ADGRV1: variants seen among roughly 807,000 people sequenced by gnomAD.
ADGRV1 encodes the protein G-protein coupled receptor 98.
A neutral mutation model predicts 596.2 loss-of-function variants in ADGRV1; 359 were observed. That is an observed-to-expected ratio of 0.60 (90% CI 0.55 to 0.66). ADGRV1 has a LOEUF of 0.66. Ranked by LOEUF, ADGRV1 falls within the 30% of genes least tolerant of loss-of-function variation. ADGRV1 has a pLI of 0.00. For missense variants in ADGRV1, 7,274 were observed against 7,575.6 expected, an observed-to-expected ratio of 0.96 and a Z score of 1.48; for synonymous variants, 2,681 against 2,679.2, an observed-to-expected ratio of 1.00 and a Z score of -0.02.
Position 90,647,632 on chromosome 5 carries a change from A to T in ADGRV1, c.3157A>T (p.Ile1053Phe). The T allele has an allele frequency of 6.2e-7, 1 of 1,614,004 alleles. No homozygotes were observed. Among genetic ancestry groups the T allele is most frequent in the Admixed American group, 1.7e-5 (1 of 60,028 alleles). Reference protein sequence around the residue: ...GKATARERDFIPVEKGETLIF... With the variant: ...GKATARERDFFPVEKGETLIF... ...GGCTACTGCAAGAGAGAGAGATTTC[A>T]TTCCTGTTGAAAAAGGAGAAACGCT... Residue 1053 changes from isoleucine (I) to phenylalanine (F), a missense_variant, in exon 17 of 90, where the codon ATT (isoleucine) becomes TTT (phenylalanine). By Grantham distance (21) the Ile-to-Phe change is conservative. Coordinates refer to ENST00000405460, the MANE Select transcript of ADGRV1 (RefSeq NM_032119.4).
At chr5:91,161,328 C>A (rs1240586536) in intron 89 of ADGRV1, among the ~76,000 whole-genome samples, 1 of 152,114 alleles carries the variant, frequency 6.6e-6, no homozygotes, top group East Asian at 1.9e-4. Flanking sequence ...CAAATGTTAC[C>A]TTCGGGGGCC....
At position 90,776,307 on chromosome 5, in the gene ADGRV1, A is replaced by T. The variant is rs148397539; in HGVS notation, c.12404-146A>T. The T allele has an allele frequency of 6.9e-4, 540 of 781,626 alleles. 7 individuals carry two copies. The African/African-American group carries it at 8.4e-3, about 12-fold the overall frequency. The allele number at this position is 781,626 out of a possible 1,614,324, so 48.4% of individuals were successfully genotyped here. On this transcript the variant is annotated intron_variant, in intron 60 of 89. Transcript: ENST00000405460. Reference sequence around the variant, plus strand: ...CTCAATGTGCTTCAGAGTCATAGGTAAAATGAGGATATTAATACCTTACTG... The same window carrying T: ...CTCAATGTGCTTCAGAGTCATAGGTTAAATGAGGATATTAATACCTTACTG...
At chr5:91,039,214 C>T (rs1430416583) in intron 85 of ADGRV1, among the ~76,000 whole-genome samples, 3 of 152,160 alleles carry the variant, frequency 2.0e-5, no homozygotes, top group Non-Finnish European at 2.9e-5. Context: ...TAAGTAAAAA[C>T]TTTCAGATCA....
intron 85 of ADGRV1, among the ~76,000 whole-genome samples, chr5:91,035,390 T>G (rs1392344569): frequency 6.6e-6 from 1 of 152,144 alleles, no homozygotes; most frequent in East Asian, 1.9e-4. Context: ...AAGAATTCTG[T>G]TTATAAGATT....
At chr5:90,908,078 C>G (rs769075616) in intron 83 of ADGRV1, among the ~76,000 whole-genome samples, 1 of 151,982 alleles carries the variant, frequency 6.6e-6, no homozygotes, top group Admixed American at 6.6e-5. Context: ...CTCGAACTCC[C>G]GACCTCAGGT....
At chr5:90,756,053 A>G (rs1755800681) in intron 55 of ADGRV1, among the ~76,000 whole-genome samples, 1 of 151,852 alleles carries the variant, frequency 6.6e-6, no homozygotes, top group African/African-American at 2.4e-5. Context: ...TAAAAATTAA[A>G]TATAGGCTTA....
chr5:90,912,651 C>T (rs990056995), intron 83 of ADGRV1, among the ~76,000 whole-genome samples: 3 of 152,068 alleles, frequency 2.0e-5, no homozygotes, highest in Admixed American at 2.0e-4. Context: ...GTTCTCCATA[C>T]CATGGAGAAC....
intron 85 of ADGRV1, among the ~76,000 whole-genome samples, chr5:91,048,886 G>A (rs1786070290): frequency 6.6e-6 from 1 of 152,038 alleles, no homozygotes; most frequent in Non-Finnish European, 1.5e-5. Flanking sequence ...TGCATCTTCA[G>A]TAGTTAGGCA....
At position 90,681,213 on chromosome 5, in the gene ADGRV1, T is replaced by C. The variant is rs1318253704; in HGVS notation, c.5525-102T>C. 9.6e-6 allele frequency: 12 copies of C among 1,255,262 alleles called. No homozygotes were observed. In the South Asian group the frequency reaches 1.6e-4, roughly 17 times the overall value. The allele number at this position is 1,255,262 out of a possible 1,614,324, so 77.8% of individuals were successfully genotyped here. On this transcript the variant is annotated intron_variant, in intron 26 of 89. Transcript: ENST00000405460. ...AACAAATTAGAATGTACTCAATGAA[T>C]GGAAGGACTCTTTTCAAAAAGTTGT...
intron 89 of ADGRV1, among the ~76,000 whole-genome samples, chr5:91,162,393 A>G (rs1290725387): frequency 6.6e-6 from 1 of 151,974 alleles, no homozygotes; most frequent in African/African-American, 2.4e-5. Flanking sequence ...TGAGAAGAGC[A>G]CCCCAGGCAG....
chr5:90,679,652 T>A (rs748230280), intron 26 of ADGRV1, 23 bp downstream of exon 26: 6 of 1,535,686 alleles, frequency 3.9e-6, no homozygotes, highest in Admixed American at 1.7e-5. Context: ...TCCAAGGTCC[T>A]TTACTATTAT....
At position 90,855,792 on chromosome 5, in the gene ADGRV1, T is replaced by C. The variant is rs752919430; in HGVS notation, c.17646T>C (p.Tyr5882=). 1 of 1,606,382 alleles carries C rather than the reference T, an allele frequency of 6.2e-7. No homozygotes were observed. Among genetic ancestry groups the C allele is most frequent in the South Asian group, 1.1e-5 (1 of 89,230 alleles). ...FCKVVEETAD[Y]VECACSHMSV... ...AAGTGGTTGAGGAAACTGCAGACTA[T>C]GTGGAATGTGCCTGTTCACACATGT... Residue 5882 remains tyrosine (Y), a synonymous_variant, in exon 82 of 90, where the codon TAT becomes TAC. Coordinates refer to ENST00000405460, the MANE Select transcript of ADGRV1 (RefSeq NM_032119.4).
chr5:90,697,161 T>C lies in ADGRV1; in HGVS notation c.8155+15T>C. The C allele has an allele frequency of 6.2e-7, 1 of 1,600,530 alleles. No homozygotes were observed. On this transcript the variant is annotated intron_variant, in intron 34 of 89. Coordinates refer to ENST00000405460, the MANE Select transcript of ADGRV1 (RefSeq NM_032119.4). ...AGGTCATGAAGGTGGGTTCCTTTTT[T>C]TGTTAAGCATATTCATTTTCTTTTC...
chr5:90,896,473 C>T (rs925789297), intron 83 of ADGRV1, among the ~76,000 whole-genome samples: 1 of 151,794 alleles, frequency 6.6e-6, no homozygotes, highest in East Asian at 1.9e-4. Flanking sequence ...TAGGGTTTTG[C>T]CATGTTGCCC....
At chr5:91,043,400 C>G (rs924182552) in intron 85 of ADGRV1, among the ~76,000 whole-genome samples, 1 of 152,076 alleles carries the variant, frequency 6.6e-6, no homozygotes, top group Non-Finnish European at 1.5e-5. Context: ...TCTAGAGGTT[C>G]TTGCTACCAC....
At chr5:91,125,662 G>C (rs1793683989) in intron 87 of ADGRV1, among the ~76,000 whole-genome samples, 1 of 152,084 alleles carries the variant, frequency 6.6e-6, no homozygotes, top group Non-Finnish European at 1.5e-5. Context: ...CTCAGTAAAG[G>C]GTAGCTTTAT....
chr5:90,803,236 G>T (rs947906010), intron 71 of ADGRV1, among the ~76,000 whole-genome samples: 1 of 152,116 alleles, frequency 6.6e-6, no homozygotes, highest in Non-Finnish European at 1.5e-5. Context: ...TTGGTTTACA[G>T]GGGCGAGTTT....
At position 90,724,943 on chromosome 5, in the gene ADGRV1, C is replaced by A. The variant is rs1169367531; in HGVS notation, c.9860C>A (p.Ser3287Ter). The change falls in exon 46 of 90, where the codon TCA (serine) becomes TAA (stop). Residue 3287 changes from serine (S) to a stop codon, truncating the protein, a stop_gained. Coordinates refer to ENST00000405460, the MANE Select transcript of ADGRV1 (RefSeq NM_032119.4). LOFTEE classifies it high-confidence loss of function. ...NLIYGIMLRK[S>*]SVTVYRWQGI... ...ATATATGGTATAATGTTAAGAAAAT[C>A]ATCTGTTACTGTTTACCGATGGCAG... is the stretch of plus-strand genomic sequence containing the variant. 3 of 1,609,446 alleles carry A rather than the reference C, an allele frequency of 1.9e-6. No individual in the cohort carries two copies. The highest frequency in any genetic ancestry group is 1.1e-5 in the South Asian group (1 of 89,940).
At chr5:90,788,451 T>C in intron 68 of ADGRV1, 141 bp downstream of exon 68, 1 of 821,330 alleles carries the variant, frequency 1.2e-6, no homozygotes. Context: ...TTCTGAAGGG[T>C]CAAACTTTTT....
Sources: gnomAD v4.1 joint callset for allele counts (sites outside exome capture counted in the v4.1 genomes callset) on GRCh38, gnomAD v4.1.1 for gene constraint, MANE v1.5 for transcripts, NCBI Gene and HGNC (gene_info 2026-07-23, HGNC 2026-07-21) for gene names.